HSPA12A: variants seen among roughly 807,000 people sequenced by gnomAD.
The protein encoded by HSPA12A is heat shock 70 kDa protein 12A.
Under a neutral mutation model 69.2 loss-of-function variants are expected in HSPA12A, and 28 were observed. That is an observed-to-expected ratio of 0.40 (90% CI 0.30 to 0.55). The LOEUF is 0.55. Among genes scored for constraint, HSPA12A ranks in the 20% least tolerant of loss-of-function variants. The probability of loss-of-function intolerance (pLI) is 0.38; values close to 1 mark genes in which losing one functional copy is unlikely to be tolerated. For synonymous variants in HSPA12A, 345 were observed against 370.5 expected (o/e 0.93, Z 0.79); for missense variants, 686 against 900.7 (o/e 0.76, Z 3.05).
chr10:116,705,170 C>T lies in HSPA12A; in HGVS notation c.235G>A (p.Glu79Lys). The T allele has an allele frequency of 6.2e-7, 1 of 1,614,182 alleles. No homozygotes were observed. The highest frequency in any genetic ancestry group is 8.5e-7 in the Non-Finnish European group (1 of 1,180,044). ...GYAYSFTKEP[E>K]CIHVMRRWEG... The stretch of plus-strand genomic sequence containing the variant: ...ACTCACCTCATCACATGGATGCATT[C>T]CGGCTCCTTGGTGAAGCTGTAGGCA... The change falls in exon 3 of 12, where the codon GAA becomes AAA. Residue 79 changes from glutamate to lysine, a missense_variant. Glu to Lys is a moderately conservative substitution (Grantham distance 56). Transcript: ENST00000369209.
chr10:116,700,434 C>T (rs1850048109), intron 4 of HSPA12A, among the ~76,000 whole-genome samples: 1 of 152,140 alleles, frequency 6.6e-6, no homozygotes, highest in Non-Finnish European at 1.5e-5. Flanking sequence ...AATTATTGGG[C>T]ACTTGATGTC....
chr10:116,750,888 G>A (rs958627492), intron 2 of HSPA12A, among the ~76,000 whole-genome samples: 13 of 152,152 alleles, frequency 8.5e-5, no homozygotes, highest in South Asian at 4.2e-4. Flanking sequence ...TGGGAGGATC[G>A]CTTTAGCCTC....
intron 2 of HSPA12A, among the ~76,000 whole-genome samples, chr10:116,825,937 C>G (rs969277024): frequency 6.6e-6 from 1 of 152,086 alleles, no homozygotes; most frequent in Non-Finnish European, 1.5e-5. Context: ...GCTGTGAAAC[C>G]ACATCCTAGG....
chr10:116,704,467 G>A (rs900733075), intron 3 of HSPA12A, among the ~76,000 whole-genome samples: 1 of 152,178 alleles, frequency 6.6e-6, no homozygotes, highest in East Asian at 1.9e-4. Flanking sequence ...TTGTGGGGTG[G>A]GGGGAGTGGG....
At chr10:116,791,000 A>G (rs1844691376) in intron 2 of HSPA12A, among the ~76,000 whole-genome samples, 1 of 152,188 alleles carries the variant, frequency 6.6e-6, no homozygotes, top group Non-Finnish European at 1.5e-5. Context: ...CCGTCCAGTT[A>G]TCTTTGTATT....
chr10:116,709,807 C>T (rs1433599018), intron 1 of HSPA12A, among the ~76,000 whole-genome samples: 3 of 152,120 alleles, frequency 2.0e-5, no homozygotes, highest in Non-Finnish European at 4.4e-5. Flanking sequence ...GAATATAATT[C>T]ATGCCACTGA....
chr10:116,821,675 T>C (rs1176456404), intron 2 of HSPA12A, among the ~76,000 whole-genome samples: 2 of 152,256 alleles, frequency 1.3e-5, no homozygotes, highest in Non-Finnish European at 2.9e-5. Context: ...GAAATCATTA[T>C]CTGTTGACTG....
chr10:116,799,709 G>T (rs532873517), intron 2 of HSPA12A, among the ~76,000 whole-genome samples: 205 of 152,328 alleles, frequency 1.3e-3, no homozygotes, highest in Middle Eastern at 3.4e-3. Flanking sequence ...TGCAGTGACA[G>T]CCACTTGCTG....
chr10:116,796,558 T>C (rs1443684212), intron 2 of HSPA12A, among the ~76,000 whole-genome samples: 1 of 152,138 alleles, frequency 6.6e-6, no homozygotes. Context: ...CTCCAGACCA[T>C]GGAGCAGAGT....
At chr10:116,750,002 T>C in intron 2 of HSPA12A, 1 of 219,830 alleles carries the variant, frequency 4.5e-6, no homozygotes, top group Non-Finnish European at 9.2e-6. Flanking sequence ...TGCTTGGAAA[T>C]GCTTGGCAAT....
At chr10:116,805,584 C>T (rs911758058) in intron 2 of HSPA12A, among the ~76,000 whole-genome samples, 2 of 151,856 alleles carry the variant, frequency 1.3e-5, no homozygotes, top group South Asian at 2.1e-4. Flanking sequence ...TGATGTTGGG[C>T]GGGGGGGTAC....
At chr10:116,774,453 A>C (rs1222232414) in intron 2 of HSPA12A, among the ~76,000 whole-genome samples, 2 of 152,164 alleles carry the variant, frequency 1.3e-5, no homozygotes, top group African/African-American at 2.4e-5. Context: ...AGAAATGCAA[A>C]TTCTCAGGCC....
intron 2 of HSPA12A, among the ~76,000 whole-genome samples, chr10:116,787,037 C>T (rs1034827916): frequency 2.0e-5 from 3 of 151,810 alleles, no homozygotes; most frequent in South Asian, 2.1e-4. Flanking sequence ...CACACACACA[C>T]GGTCAGATTC....
In HSPA12A at chr10:116,698,717, A is replaced by G; in HGVS notation, c.464T>C (p.Leu155Pro). ...TTGDLTMDTD[L>P]TAANGKKVKA... The stretch of plus-strand genomic sequence containing the variant: ...GACTTTCTTGCCATTTGCTGCCGTC[A>G]GGTCTGTATCCATGGTGAGGTCCTG... The change falls in exon 5 of 12, where the codon CTG becomes CCG. Residue 155 changes from leucine (L) to proline (P), a missense_variant. Physicochemically the swap from Leu to Pro is moderately conservative, Grantham distance 98. Coordinates refer to ENST00000369209, the MANE Select transcript of HSPA12A (RefSeq NM_025015.3). The G allele has an allele frequency of 6.2e-7, 1 of 1,614,048 alleles. No homozygotes were observed.
intron 2 of HSPA12A, among the ~76,000 whole-genome samples, chr10:116,805,681 C>T (rs1214751665): frequency 1.3e-5 from 2 of 152,096 alleles, no homozygotes; most frequent in Non-Finnish European, 2.9e-5. Flanking sequence ...AAAAAGCATT[C>T]CTGCTGACTG....
chr10:116,805,261 A>T (rs1845044769), intron 2 of HSPA12A, among the ~76,000 whole-genome samples: 1 of 152,192 alleles, frequency 6.6e-6, no homozygotes, highest in Non-Finnish European at 1.5e-5. Context: ...GCTTGCAGTG[A>T]GCCGAGATCG....
upstream of HSPA12A, among the ~76,000 whole-genome samples, chr10:116,746,640 A>C (rs1209691475): frequency 6.6e-6 from 1 of 152,186 alleles, no homozygotes; most frequent in Non-Finnish European, 1.5e-5. Context: ...CATATATGTA[A>C]AACATTCCAT....
At chr10:116,678,588 A>G (rs1199987567) in intron 10 of HSPA12A, among the ~76,000 whole-genome samples, 24 of 139,244 alleles carry the variant, frequency 1.7e-4, no homozygotes, top group African/African-American at 6.7e-4. Flanking sequence ...TACAAAGTGA[A>G]AAAAAAAAAA....
intron 1 of HSPA12A, among the ~76,000 whole-genome samples, chr10:116,836,441 T>C (rs1289506531): frequency 6.6e-6 from 1 of 152,202 alleles, no homozygotes; most frequent in South Asian, 2.1e-4. Context: ...TCTCCCACTC[T>C]CTTTCTCTCT....
Sources: gnomAD v4.1 joint callset for allele counts (sites outside exome capture counted in the v4.1 genomes callset) on GRCh38, gnomAD v4.1.1 for gene constraint, MANE v1.5 for transcripts, NCBI Gene and HGNC (gene_info 2026-07-23, HGNC 2026-07-21) for gene names.